Variants in GALNT13 observed in about 807,000 individuals in gnomAD.
The protein encoded by GALNT13 is UDP-GalNAc:polypeptide N-acetylgalactosaminyltransferase 13.
In GALNT13, 28 loss-of-function variants were observed where a neutral mutation model predicts 64.2. That is an observed-to-expected ratio of 0.44 (90% CI 0.32 to 0.60). The LOEUF (loss-of-function observed/expected upper bound fraction) is 0.60. GALNT13 is among the 20% of genes least tolerant of loss of function. The probability of loss-of-function intolerance (pLI) is 0.05; values close to 1 mark genes in which losing one functional copy is unlikely to be tolerated. For missense variants in GALNT13, 577 were observed against 669.8 expected (o/e 0.86, Z 1.53); for synonymous variants, 214 against 224.6 (o/e 0.95, Z 0.42).
chr2:153,782,829 A>G, the GALNT13 span, among the ~76,000 whole-genome samples: 3 of 152,134 alleles, frequency 2.0e-5, no homozygotes, highest in Admixed American at 6.5e-5. Context: ...AGACTACCCA[A>G]TCCGTGGACT....
chr2:153,642,200 C>A, the GALNT13 span, among the ~76,000 whole-genome samples: 5 of 151,842 alleles, frequency 3.3e-5, no homozygotes, highest in Non-Finnish European at 7.4e-5. Context: ...TCTATTTATT[C>A]CAGGCTACTT....
chr2:154,445,983 C>G, intron 12 of GALNT13: 1 of 421,790 alleles, frequency 2.4e-6, no homozygotes, highest in Admixed American at 2.8e-5. Context: ...TTTTCTTTTT[C>G]CTCCCTTCAT....
At chr2:153,345,637 T>TTCTTTCTTTCTTTCTTTC in the GALNT13 span, among the ~76,000 whole-genome samples, 2 of 66,796 alleles carry the variant, frequency 3.0e-5, no homozygotes, top group African/African-American at 1.3e-4. Context: ...TCCTTTCTTT[T>TTCTTTCTTTCTTTCTTTC]TCTTTCTTTC....
At chr2:153,362,505 G>A in the GALNT13 span, among the ~76,000 whole-genome samples, 1 of 136,018 alleles carries the variant, frequency 7.4e-6, no homozygotes, top group African/African-American at 2.8e-5. Context: ...AGGACACATA[G>A]GCTGAAAATT....
At chr2:153,768,153 ATTAT>A in the GALNT13 span, among the ~76,000 whole-genome samples, 1 of 152,192 alleles carries the variant, frequency 6.6e-6, no homozygotes, top group Non-Finnish European at 1.5e-5. Flanking sequence ...AGTCCAAGAA[ATTAT>A]TTGTTATAAT....
the GALNT13 span, among the ~76,000 whole-genome samples, chr2:153,477,049 T>C: frequency 0.82 from 124,364 of 152,136 alleles, 52,014 homozygotes; most frequent in African/African-American, 0.92. Context: ...CGGGGGCCCT[T>C]CTGTCGTCTC....
At chr2:153,347,170 G>A in the GALNT13 span, among the ~76,000 whole-genome samples, 1 of 152,170 alleles carries the variant, frequency 6.6e-6, no homozygotes, top group East Asian at 1.9e-4. Flanking sequence ...TATTGCATTG[G>A]GCATAAAAGC....
the GALNT13 span, among the ~76,000 whole-genome samples, chr2:153,665,149 C>G: frequency 2.6e-5 from 4 of 152,282 alleles, no homozygotes; most frequent in South Asian, 6.2e-4. Context: ...GACTAAGATG[C>G]TTTATACAAT....
At chr2:154,379,291 A>T (rs1423380676) in intron 9 of GALNT13, among the ~76,000 whole-genome samples, 1 of 152,040 alleles carries the variant, frequency 6.6e-6, no homozygotes, top group African/African-American at 2.4e-5. Flanking sequence ...AATGCTATGT[A>T]GCTTTCTCTA....
intron 11 of GALNT13, among the ~76,000 whole-genome samples, chr2:154,424,621 A>G (rs1351048389): frequency 6.6e-6 from 1 of 152,148 alleles, no homozygotes; most frequent in Non-Finnish European, 1.5e-5. Flanking sequence ...CTGAGGGCAG[A>G]TGATGTATAA....
the GALNT13 span, among the ~76,000 whole-genome samples, chr2:153,239,421 A>T: frequency 6.6e-6 from 1 of 152,166 alleles, no homozygotes; most frequent in East Asian, 1.9e-4. Context: ...TCCAGATCTT[A>T]GAGAAAAGGC....
chr2:154,298,540 T>G (rs74200025), intron 8 of GALNT13, among the ~76,000 whole-genome samples: 6 of 96,494 alleles, frequency 6.2e-5, no homozygotes, highest in East Asian at 8.5e-4. Context: ...TTGTATATAT[T>G]TATATATAAA....
the GALNT13 span, among the ~76,000 whole-genome samples, chr2:153,586,866 C>T: frequency 6.6e-6 from 1 of 152,040 alleles, no homozygotes; most frequent in Non-Finnish European, 1.5e-5. Context: ...AACTAGAAAT[C>T]AATAGCAAGA....
chr2:153,712,643 A>G, the GALNT13 span, among the ~76,000 whole-genome samples: 1 of 152,190 alleles, frequency 6.6e-6, no homozygotes, highest in Non-Finnish European at 1.5e-5. Context: ...GAGACTAGAA[A>G]AAAAGGTCTG....
intron 10 of GALNT13, among the ~76,000 whole-genome samples, chr2:154,398,548 A>G (rs1312120284): frequency 6.6e-6 from 1 of 152,202 alleles, no homozygotes; most frequent in Non-Finnish European, 1.5e-5. Context: ...TAATCTGTAG[A>G]AATACTTTAG....
In GALNT13 at chr2:154,408,569, T is replaced by G. The variant is rs992368323; in HGVS notation, c.1297-415T>G. On this transcript the variant is annotated intron_variant, in intron 10 of 12. Transcript: ENST00000392825. ...CATAAATTTCAATATTTAGCCAATT[T>G]GTTTTTATTTCCTTCCATGCAATAG... is the stretch of plus-strand genomic sequence containing the variant. Among the ~76,000 whole-genome samples the G allele has an allele frequency of 1.1e-4, 17 of 152,220 alleles. No individual in the cohort carries two copies. The South Asian group carries it at 2.1e-3, about 19-fold the overall frequency.
At chr2:153,631,682 A>G in the GALNT13 span, among the ~76,000 whole-genome samples, 28 of 151,804 alleles carry the variant, frequency 1.8e-4, no homozygotes, top group Non-Finnish European at 4.1e-4. Context: ...AATTTGTTTG[A>G]GTTCTTTGTA....
chr2:153,511,456 G>A, the GALNT13 span, among the ~76,000 whole-genome samples: 10 of 152,134 alleles, frequency 6.6e-5, no homozygotes, highest in Non-Finnish European at 1.3e-4. Flanking sequence ...CTCCTTTTCA[G>A]ATTATTTTTG....
chr2:153,084,572 G>A, the GALNT13 span, among the ~76,000 whole-genome samples: 3 of 152,182 alleles, frequency 2.0e-5, no homozygotes, highest in East Asian at 5.8e-4. Context: ...AAATTATGGG[G>A]GCTGTTTCCC....
Sources: gnomAD v4.1 joint callset for allele counts (sites outside exome capture counted in the v4.1 genomes callset) on GRCh38, gnomAD v4.1.1 for gene constraint, MANE v1.5 for transcripts, NCBI Gene and HGNC (gene_info 2026-07-23, HGNC 2026-07-21) for gene names.